Variants in SPECC1L observed in about 807,000 individuals in gnomAD.
SPECC1L encodes cytospin-A.
A neutral mutation model predicts 116.8 loss-of-function variants in SPECC1L; 40 were observed. That is an observed-to-expected ratio of 0.34 (90% CI 0.27 to 0.45). The LOEUF is 0.45. Ranked by LOEUF, SPECC1L falls within the 20% of genes least tolerant of loss-of-function variation. SPECC1L has a pLI of 1.00. For missense variants in SPECC1L, 1,110 were observed against 1,373.6 expected (o/e 0.81, Z 3.03); for synonymous variants, 504 against 500.6 (o/e 1.01, Z -0.09).
intron 4 of SPECC1L, among the ~76,000 whole-genome samples, chr22:24,317,642 G>A (rs542674087): frequency 1.2e-3 from 186 of 151,462 alleles, no homozygotes; most frequent in Middle Eastern, 3.4e-3. Flanking sequence ...CGGACGGGGC[G>A]GCTGGCCAGG....
At chr22:24,286,853 AG>A (rs1313626567) in intron 2 of SPECC1L, among the ~76,000 whole-genome samples, 6 of 152,228 alleles carry the variant, frequency 3.9e-5, no homozygotes, top group Non-Finnish European at 5.9e-5. Flanking sequence ...GGTTACAGTG[AG>A]CTGAGATCGC....
intron 14 of SPECC1L, among the ~76,000 whole-genome samples, chr22:24,377,562 G>T (rs1285780744): frequency 6.6e-6 from 1 of 152,080 alleles, no homozygotes; most frequent in Non-Finnish European, 1.5e-5. Flanking sequence ...TGCTTCATTT[G>T]TTTCCCCTTT....
chr22:24,311,804 C>CAAAAAAAAAAAAAAAAAAAAAAAA (rs915422222), intron 3 of SPECC1L, among the ~76,000 whole-genome samples: 1 of 46,568 alleles, frequency 2.1e-5, no homozygotes, highest in Non-Finnish European at 5.0e-5. Flanking sequence ...GACTTTGTCT[C>CAAAAAAAAAAAAAAAAAAAAAAAA]AAAAAAAAAA....
chr22:24,337,577 T>A (rs962086785), intron 9 of SPECC1L, among the ~76,000 whole-genome samples: 3 of 152,230 alleles, frequency 2.0e-5, no homozygotes, highest in African/African-American at 7.2e-5. Context: ...ACTTTATGTT[T>A]TGTGAATTTT....
intron 2 of SPECC1L, among the ~76,000 whole-genome samples, 200 bp from the exon 3 acceptor site, chr22:24,301,995 G>A (rs567996706): frequency 2.0e-5 from 3 of 151,638 alleles, no homozygotes; most frequent in South Asian, 4.2e-4. Flanking sequence ...GCAGTGAGCC[G>A]AGATAGTGCC....
intron 1 of SPECC1L, among the ~76,000 whole-genome samples, chr22:24,272,546 G>A (rs562333414): frequency 6.6e-6 from 1 of 151,970 alleles, no homozygotes; most frequent in Non-Finnish European, 1.5e-5. Context: ...GGTGGCACAC[G>A]CTTGTGATCC....
rs201062608 is a variant in SPECC1L at position 24,350,107 on chromosome 22, CA to C, written c.2743+2933del. On this transcript the variant is annotated intron_variant, in intron 11 of 16. Coordinates refer to ENST00000314328, the MANE Select transcript of SPECC1L (RefSeq NM_015330.6). The stretch of plus-strand genomic sequence containing the variant: ...GCATGCTCCTGACTTAGACACCTTG[CA>C]ACTGGCACTTTCTATGCTGGAACCC... Among the ~76,000 whole-genome samples the C allele has an allele frequency of 7.7e-3, 1,177 of 152,180 alleles. 9 individuals are homozygous for C. Among genetic ancestry groups the C allele is most frequent in the South Asian group, 0.024 (115 of 4,812 alleles).
At chr22:24,327,650 TAA>T (rs201501093) in intron 6 of SPECC1L, among the ~76,000 whole-genome samples, 1 of 148,182 alleles carries the variant, frequency 6.7e-6, no homozygotes, top group Non-Finnish European at 1.5e-5. Flanking sequence ...GGATACTTAT[TAA>T]AAAAAAAACA....
Position 24,412,725 on chromosome 22 carries a change from TG to T in SPECC1L, c.3264+19del. On this transcript the variant is annotated intron_variant, in intron 16 of 16. Transcript: ENST00000314328. ...CCACACTGGTGAGCCCTTGTCCCCC[TG>T]AGTCACTGGCAGGGCCCTCCTTCTG... 6.2e-7 allele frequency: 1 copy of T among 1,613,664 alleles called. No homozygotes were observed. The highest frequency in any genetic ancestry group is 8.5e-7 in the Non-Finnish European group (1 of 1,179,720).
chr22:24,294,378 C>T (rs1279134958), intron 2 of SPECC1L, among the ~76,000 whole-genome samples: 1 of 146,618 alleles, frequency 6.8e-6, no homozygotes, highest in Non-Finnish European at 1.5e-5. Flanking sequence ...TATTTTTGTC[C>T]TAGTCCTTTT....
intron 2 of SPECC1L, among the ~76,000 whole-genome samples, chr22:24,301,092 G>A (rs559311712): frequency 1.3e-5 from 2 of 152,238 alleles, no homozygotes; most frequent in South Asian, 4.2e-4. Context: ...AAAAGCAATT[G>A]CAACAAAAAC....
In SPECC1L at chr22:24,324,484, T is replaced by C. The variant is rs909117573; in HGVS notation, c.2146+57T>C. 2.0e-6 allele frequency: 3 copies of C among 1,476,556 alleles called. No individual in the cohort carries two copies. The African/African-American group carries it at 4.2e-5, about 21-fold the overall frequency. 91.5% of individuals were successfully genotyped at this position (1,476,556 alleles called of 1,614,324 possible). Reference sequence around the variant, plus strand: ...TCCTACTCTTTTAAACATGCGGGGATAATTTGCATTTAGTAATAAAATAGG... The same window carrying C: ...TCCTACTCTTTTAAACATGCGGGGACAATTTGCATTTAGTAATAAAATAGG... On this transcript the variant is annotated intron_variant, in intron 6 of 16. Transcript: ENST00000314328.
chr22:24,327,448 C>G (rs970182639), intron 6 of SPECC1L, among the ~76,000 whole-genome samples: 2 of 151,850 alleles, frequency 1.3e-5, no homozygotes, highest in African/African-American at 4.8e-5. Context: ...CTTTAGGGTC[C>G]TAATTAAAAG....
At chr22:24,311,851 T>C (rs1042663819) in intron 3 of SPECC1L, among the ~76,000 whole-genome samples, 1 of 151,190 alleles carries the variant, frequency 6.6e-6, no homozygotes, top group Non-Finnish European at 1.5e-5. Flanking sequence ...TCCTTGAAAT[T>C]AATGCAGTGT....
intron 2 of SPECC1L, among the ~76,000 whole-genome samples, chr22:24,283,615 T>C (rs1286421749): frequency 1.3e-5 from 2 of 152,242 alleles, no homozygotes; most frequent in Admixed American, 6.5e-5. Context: ...TTGAGAAATA[T>C]TCTTCTCAGT....
chr22:24,343,887 A>G (rs1026685526), intron 10 of SPECC1L, among the ~76,000 whole-genome samples: 3 of 152,236 alleles, frequency 2.0e-5, no homozygotes, highest in Non-Finnish European at 4.4e-5. Context: ...GGGAAAGTGA[A>G]TGAGGAGTAT....
intron 14 of SPECC1L, among the ~76,000 whole-genome samples, chr22:24,406,034 A>G (rs2146799060): frequency 6.6e-6 from 1 of 152,198 alleles, no homozygotes; most frequent in East Asian, 1.9e-4. Flanking sequence ...GTTTTTATCC[A>G]AGACATAAAA....
rs2042766670 is a variant in SPECC1L, at chr22:24,414,561, C to T, written c.3292C>T (p.Arg1098Ter). The T allele has an allele frequency of 6.2e-7, 1 of 1,613,880 alleles. No individual in the cohort carries two copies. Among genetic ancestry groups the T allele is most frequent in the Non-Finnish European group, 8.5e-7 (1 of 1,179,988 alleles). ...CATTAATGAAATGGTACGGACTGAACGACCCGACTGGCAGAACGTGATGCT... is the reference window on the plus strand; with the variant it reads ...CATTAATGAAATGGTACGGACTGAATGACCCGACTGGCAGAACGTGATGCT... Reference protein sequence around the residue: ...LDINEMVRTERPDWQNVMLYV... With the variant: ...LDINEMVRTE Residue 1098 changes from arginine (R) to a stop codon, truncating the protein, a stop_gained, in exon 17 of 17, where the codon CGA (arginine) becomes TGA (stop). Transcript: ENST00000314328. LOFTEE classifies it high-confidence loss of function.
intron 14 of SPECC1L, among the ~76,000 whole-genome samples, chr22:24,376,831 TAAG>T (rs2041980618): frequency 2.0e-5 from 3 of 151,978 alleles, no homozygotes; most frequent in East Asian, 1.9e-4. Flanking sequence ...TTTTTTTTCT[TAAG>T]AAAGAACTTT....
Sources: allele counts gnomAD v4.1 joint callset (sites outside exome capture counted in the v4.1 genomes callset), GRCh38; gene constraint gnomAD v4.1.1; transcripts MANE v1.5; gene names NCBI Gene and HGNC (gene_info 2026-07-23, HGNC 2026-07-21).